ADGRV1: variants seen among roughly 807,000 people sequenced by gnomAD.
ADGRV1 encodes G-protein coupled receptor 98.
Under a neutral mutation model 596.2 loss-of-function variants are expected in ADGRV1, and 359 were observed. That is an observed-to-expected ratio of 0.60 (90% CI 0.55 to 0.66). The LOEUF (loss-of-function observed/expected upper bound fraction) is 0.66. Ranked by LOEUF, ADGRV1 falls within the 30% of genes least tolerant of loss-of-function variation. The probability of loss-of-function intolerance (pLI) is 0.00; values close to 1 mark genes in which losing one functional copy is unlikely to be tolerated. For synonymous variants in ADGRV1, 2,681 were observed against 2,679.2 expected (o/e 1.00, Z -0.02); for missense variants, 7,274 against 7,575.6 (o/e 0.96, Z 1.48).
chr5:91,113,216 A>G (rs781753396), intron 87 of ADGRV1, among the ~76,000 whole-genome samples: 3 of 152,160 alleles, frequency 2.0e-5, no homozygotes, highest in Non-Finnish European at 4.4e-5. Flanking sequence ...GGTAACTTCT[A>G]TGGCTGAAAT....
At position 90,777,905 on chromosome 5, in the gene ADGRV1, C is replaced by A. The variant is rs1324273440; in HGVS notation, c.12528C>A (p.Ser4176Arg). 1 of 1,608,374 alleles carries A rather than the reference C, an allele frequency of 6.2e-7. No individual in the cohort carries two copies. ...SAKYNGTAII[S>R]LVRGPGILGE... ...GATATACATTTGTTTATTGTTGTAG[C>A]CTTGTTCGAGGCCCAGGGATTTTGG... The change falls in exon 62 of 90, where the codon AGC (serine) becomes AGA (arginine). Residue 4176 changes from serine (S) to arginine (R), a missense_variant and splice_region_variant. By Grantham distance (110) the Ser-to-Arg change is moderately radical. Transcript: ENST00000405460.
At chr5:90,911,901 A>G (rs2150693879) in intron 83 of ADGRV1, among the ~76,000 whole-genome samples, 1 of 152,182 alleles carries the variant, frequency 6.6e-6, no homozygotes, top group African/African-American at 2.4e-5. Flanking sequence ...GACAGATTAT[A>G]CATAGGACAT....
intron 25 of ADGRV1, among the ~76,000 whole-genome samples, chr5:90,677,885 A>G (rs753132696): frequency 2.6e-5 from 4 of 152,198 alleles, no homozygotes; most frequent in Non-Finnish European, 4.4e-5. Flanking sequence ...CTAACATGTC[A>G]AGTAGCTTAT....
chr5:91,149,559 C>T (rs182407701), intron 87 of ADGRV1, among the ~76,000 whole-genome samples: 6 of 152,012 alleles, frequency 3.9e-5, no homozygotes, highest in East Asian at 1.9e-4. Context: ...TGGCTGGGCA[C>T]GGTGGCTCAC....
In ADGRV1 at chr5:90,778,570, C is replaced by G. The variant is rs1268977626; in HGVS notation, c.12810C>G (p.Ala4270=). Residue 4270 remains alanine (A), a synonymous_variant, in exon 63 of 90, where the codon GCC becomes GCG. Coordinates refer to ENST00000405460, the MANE Select transcript of ADGRV1 (RefSeq NM_032119.4). ...GCGACTCTCCCTATGGCCGATTTGC[C>G]TTTTCACATGAGCAACTTCGAGTGT... is the stretch of plus-strand genomic sequence containing the variant. The part of the protein sequence containing the change: ...VASDSPYGRF[A]FSHEQLRVSE... 7.0e-5 allele frequency: 112 copies of G among 1,606,830 alleles called. No homozygotes were observed. Among genetic ancestry groups the G allele is most frequent in the Non-Finnish European group, 9.2e-5 (108 of 1,175,828 alleles).
At chr5:90,824,876 T>C (rs902218473) in intron 76 of ADGRV1, among the ~76,000 whole-genome samples, 12 of 152,198 alleles carry the variant, frequency 7.9e-5, no homozygotes, top group Admixed American at 2.0e-4. Flanking sequence ...ATTTAAACTC[T>C]TCTTCATGCA....
chr5:90,880,029 T>A (rs1364030604), intron 83 of ADGRV1, among the ~76,000 whole-genome samples: 1 of 152,182 alleles, frequency 6.6e-6, no homozygotes, highest in African/African-American at 2.4e-5. Flanking sequence ...TTTTATTTAC[T>A]TAATTCCAGA....
In ADGRV1 at chr5:90,629,037, A is replaced by C; in HGVS notation, c.1510-173A>C. 4.6e-6 allele frequency: 3 copies of C among 653,402 alleles called. No individual in the cohort carries two copies. The South Asian group carries it at 1.1e-4, about 23-fold the overall frequency. The allele number at this position is 653,402 out of a possible 1,614,324, so 40.5% of individuals were successfully genotyped here. ...AAATTCCACAAACTGTGATTTAGGA[A>C]TATTTCCAAATCTGTTTTTGGTTCA... On this transcript the variant is annotated intron_variant, in intron 8 of 89. Transcript: ENST00000405460.
intron 70 of ADGRV1, among the ~76,000 whole-genome samples, chr5:90,795,420 G>C (rs1428731107): frequency 1.3e-5 from 2 of 152,212 alleles, no homozygotes; most frequent in Non-Finnish European, 2.9e-5. Flanking sequence ...CCACAGCGCA[G>C]CAAGGCTGCT....
intron 52 of ADGRV1, among the ~76,000 whole-genome samples, chr5:90,747,598 C>T (rs1754769094): frequency 6.6e-6 from 1 of 152,024 alleles, no homozygotes; most frequent in Non-Finnish European, 1.5e-5. Context: ...AAAATGTTGC[C>T]AACCAGGGAA....
intron 83 of ADGRV1, among the ~76,000 whole-genome samples, chr5:90,900,310 C>T (rs1771721238): frequency 6.7e-6 from 1 of 149,308 alleles, no homozygotes. Flanking sequence ...CAAACTTCTG[C>T]TTATAGACCA....
Position 90,728,946 on chromosome 5 carries a change from A to G in ADGRV1, c.10426+13A>G. The G allele has an allele frequency of 2.0e-6, 3 of 1,537,846 alleles. No individual in the cohort carries two copies. The highest frequency in any genetic ancestry group is 2.7e-5 in the African/African-American group (2 of 72,916). ...AATGTCTTTCTAGGTGAGAAGATAAAGTATTTGTAGTGTATATATAATTAT... is the reference window on the plus strand; with the variant it reads ...AATGTCTTTCTAGGTGAGAAGATAAGGTATTTGTAGTGTATATATAATTAT... On this transcript the variant is annotated intron_variant, in intron 49 of 89. Transcript: ENST00000405460.
At chr5:90,638,040 A>C in intron 11 of ADGRV1, 92 bp downstream of exon 11, 1 of 901,342 alleles carries the variant, frequency 1.1e-6, no homozygotes, top group Non-Finnish European at 1.6e-6. Context: ...TTTTCTATAT[A>C]AAGTAAAAAA....
chr5:90,635,673 A>T (rs147573975), intron 10 of ADGRV1, among the ~76,000 whole-genome samples: 1 of 151,734 alleles, frequency 6.6e-6, no homozygotes, highest in African/African-American at 2.4e-5. Context: ...GCTCAGTGCA[A>T]CCTCTGCCCC....
intron 85 of ADGRV1, among the ~76,000 whole-genome samples, chr5:91,008,017 A>G (rs1352997347): frequency 6.6e-6 from 1 of 152,180 alleles, no homozygotes; most frequent in Non-Finnish European, 1.5e-5. Context: ...CGTCCTCAGG[A>G]CACTTAAAGC....
chr5:90,892,496 A>C (rs924682913), intron 83 of ADGRV1, among the ~76,000 whole-genome samples: 1 of 152,136 alleles, frequency 6.6e-6, no homozygotes, highest in African/African-American at 2.4e-5. Context: ...ACATTTAAAA[A>C]AACTTTAGTG....
At chr5:90,596,253 C>T (rs1443460677) in intron 1 of ADGRV1, among the ~76,000 whole-genome samples, 3 of 151,264 alleles carry the variant, frequency 2.0e-5, no homozygotes, top group Non-Finnish European at 4.4e-5. Flanking sequence ...AGAGGCGCTC[C>T]TCACTTCCCA....
At chr5:91,106,473 T>G (rs1449351644) in intron 87 of ADGRV1, among the ~76,000 whole-genome samples, 1 of 152,240 alleles carries the variant, frequency 6.6e-6, no homozygotes, top group Non-Finnish European at 1.5e-5. Context: ...ACACAAATTT[T>G]AAGATTTTAT....
intron 53 of ADGRV1, 85 bp downstream of exon 53, chr5:90,750,782 A>G (rs927068961): frequency 9.7e-7 from 1 of 1,027,820 alleles, no homozygotes; most frequent in Middle Eastern, 2.2e-4. Flanking sequence ...TTATGGATGA[A>G]GTGTTTGAGT....
Sources: allele counts gnomAD v4.1 joint callset (sites outside exome capture counted in the v4.1 genomes callset), GRCh38; gene constraint gnomAD v4.1.1; transcripts MANE v1.5; gene names NCBI Gene and HGNC (gene_info 2026-07-23, HGNC 2026-07-21).